Variants in ARHGEF10L observed in about 807,000 individuals in gnomAD.
ARHGEF10L encodes rho guanine nucleotide exchange factor 10-like protein.
A neutral mutation model predicts 141.2 loss-of-function variants in ARHGEF10L; 69 were observed. The observed-to-expected ratio is 0.49, with a 90% CI of 0.40 to 0.60. The LOEUF is 0.60. Ranked by LOEUF, ARHGEF10L falls within the 20% of genes least tolerant of loss-of-function variation. ARHGEF10L has a pLI of 0.00. For synonymous variants in ARHGEF10L, 711 were observed against 718.5 expected, an observed-to-expected ratio of 0.99 and a Z score of 0.17; for missense variants, 1,482 against 1,734.3, an observed-to-expected ratio of 0.85 and a Z score of 2.58.
At chr1:17,636,967 C>T (rs1435365638) in intron 18 of ARHGEF10L, among the ~76,000 whole-genome samples, 1 of 152,062 alleles carries the variant, frequency 6.6e-6, no homozygotes. Flanking sequence ...CACCCCCTAC[C>T]CCCATCTCAC....
chr1:17,695,389 T>C, intron 28 of ARHGEF10L, 109 bp downstream of exon 28: 1 of 1,408,566 alleles, frequency 7.1e-7, no homozygotes, highest in Non-Finnish European at 9.4e-7. Context: ...GGGATGGGGT[T>C]CCAGTCTCCA....
At chr1:17,686,058 T>TGTTTG (rs1361559287) in intron 26 of ARHGEF10L, among the ~76,000 whole-genome samples, 3 of 151,464 alleles carry the variant, frequency 2.0e-5, no homozygotes, top group Non-Finnish European at 4.4e-5. Context: ...GCTTTTGGTG[T>TGTTTG]GTTTGTTTTG....
chr1:17,660,988 C>T (rs2062587903), intron 25 of ARHGEF10L, among the ~76,000 whole-genome samples: 1 of 152,156 alleles, frequency 6.6e-6, no homozygotes, highest in African/African-American at 2.4e-5. Context: ...GAGTTTTGTC[C>T]TCATGGTGCA....
intron 9 of ARHGEF10L, among the ~76,000 whole-genome samples, chr1:17,618,014 G>A (rs1042843635): frequency 2.0e-5 from 3 of 152,216 alleles, no homozygotes; most frequent in Admixed American, 6.5e-5. Context: ...CGTGCACTTG[G>A]TGCGGTGCTC....
chr1:17,648,292 G>A (rs1571241055), intron 21 of ARHGEF10L, among the ~76,000 whole-genome samples: 1 of 152,206 alleles, frequency 6.6e-6, no homozygotes, highest in East Asian at 1.9e-4. Context: ...TCAGAGAGTT[G>A]GGGTGACTGG....
intron 26 of ARHGEF10L, among the ~76,000 whole-genome samples, chr1:17,678,454 T>C (rs1014536823): frequency 6.6e-5 from 10 of 151,232 alleles, no homozygotes; most frequent in Non-Finnish European, 1.2e-4. Flanking sequence ...AGTTTTGTTC[T>C]TGTTGAACAG....
intron 26 of ARHGEF10L, among the ~76,000 whole-genome samples, chr1:17,686,331 T>G (rs1464991503): frequency 2.6e-5 from 4 of 152,140 alleles, no homozygotes; most frequent in African/African-American, 9.7e-5. Context: ...TTCATTTTTT[T>G]GACCAAATTT....
intron 9 of ARHGEF10L, among the ~76,000 whole-genome samples, chr1:17,616,649 C>T (rs942711399): frequency 2.6e-5 from 4 of 152,244 alleles, no homozygotes; most frequent in African/African-American, 9.6e-5. Flanking sequence ...AGCAGTGCCT[C>T]TGGGGCCAGC....
At chr1:17,522,415 G>A in the ARHGEF10L span, among the ~76,000 whole-genome samples, 2 of 152,164 alleles carry the variant, frequency 1.3e-5, no homozygotes, top group African/African-American at 4.8e-5. Flanking sequence ...GAGGCTCAGA[G>A]ACGTCAGGTG....
chr1:17,665,925 C>T lies in ARHGEF10L; in HGVS notation c.3009+1330C>T, dbSNP rs12075000. Among the ~76,000 whole-genome samples, 431 of 152,214 alleles carry T rather than the reference C, an allele frequency of 2.8e-3. 1 individual carries two copies. Among genetic ancestry groups the T allele is most frequent in the African/African-American group, 5.1e-3 (213 of 41,528 alleles). On this transcript the variant is annotated intron_variant, in intron 26 of 28. Coordinates refer to ENST00000361221, the MANE Select transcript of ARHGEF10L (RefSeq NM_018125.4). ...TACGGAGGCCTGGGAACCTGTGAGC[C>T]GGTGGTGTGCCTTCCAGTTCAAAAG... is the stretch of plus-strand genomic sequence containing the variant.
intron 26 of ARHGEF10L, among the ~76,000 whole-genome samples, chr1:17,672,945 C>T (rs1435333259): frequency 6.6e-6 from 1 of 152,104 alleles, no homozygotes; most frequent in African/African-American, 2.4e-5. Flanking sequence ...GTCAGGCCTC[C>T]AGGCCCCTCT....
the ARHGEF10L span, among the ~76,000 whole-genome samples, chr1:17,531,630 C>A: frequency 6.6e-6 from 1 of 152,122 alleles, no homozygotes; most frequent in Non-Finnish European, 1.5e-5. Flanking sequence ...CCTCTGTAAA[C>A]GGGAGAGATG....
In ARHGEF10L at chr1:17,615,891, G is replaced by A; in HGVS notation, c.727-203G>A. The A allele has an allele frequency of 1.8e-6, 1 of 562,168 alleles. No individual in the cohort carries two copies. Among genetic ancestry groups the A allele is most frequent in the South Asian group, 2.3e-5 (1 of 43,578 alleles). The allele number at this position is 562,168 out of a possible 1,614,324, so 34.8% of individuals were successfully genotyped here. A position where few individuals can be genotyped will look rare whatever the true frequency, so the allele number is the denominator to read the frequency against. On this transcript the variant is annotated intron_variant, in intron 8 of 28. Transcript: ENST00000361221. The surrounding 1 kb of genome is among the most constrained non-coding windows in gnomAD (Gnocchi z 4.7). ...GGAAAAAAATCGGTTACAGCCTCCTGTTGCCCCTAAAGAGGGAGATCCCCG... is the reference window on the plus strand; with the variant it reads ...GGAAAAAAATCGGTTACAGCCTCCTATTGCCCCTAAAGAGGGAGATCCCCG...
At chr1:17,594,435 AT>A (rs1479380944) in intron 4 of ARHGEF10L, among the ~76,000 whole-genome samples, 3 of 152,178 alleles carry the variant, frequency 2.0e-5, no homozygotes, top group African/African-American at 7.2e-5. Flanking sequence ...TGTTAGCTGC[AT>A]GACCCAGGAC....
At chr1:17,677,951 CCT>C (rs1302436167) in intron 26 of ARHGEF10L, among the ~76,000 whole-genome samples, 6 of 152,326 alleles carry the variant, frequency 3.9e-5, no homozygotes, top group Non-Finnish European at 8.8e-5. Flanking sequence ...GCCTCCCTGT[CCT>C]CTCTGACTAG....
At chr1:17,686,078 T>C (rs35624169) in intron 26 of ARHGEF10L, among the ~76,000 whole-genome samples, 23,515 of 138,764 alleles carry the variant, frequency 0.17, 2,064 homozygotes, top group African/African-American at 0.24. Context: ...GTTTTGTTTT[T>C]TTTCTTTCTT....
rs750541113 is a variant in ARHGEF10L, at chr1:17,687,585, G to C, written c.3022G>C (p.Ala1008Pro). 6.2e-7 allele frequency: 1 copy of C among 1,612,984 alleles called. No individual in the cohort carries two copies. Among genetic ancestry groups the C allele is most frequent in the East Asian group, 2.2e-5 (1 of 44,864 alleles). The change falls in exon 27 of 29, where the codon GCG becomes CCG. Residue 1008 changes from alanine (A) to proline (P), a missense_variant. Ala to Pro is a conservative substitution (Grantham distance 27). This residue lies in a region of ARHGEF10L where 858 missense variants were observed against 966.3 expected (regional missense o/e 0.89). Coordinates refer to ENST00000361221, the MANE Select transcript of ARHGEF10L (RefSeq NM_018125.4). ...TTLQPQQSFE[A>P]HQDEAVSVTH... is the part of the protein sequence containing the mutation. ...CTTTGTGCCACAGCAAAGCTTCGAG[G>C]CGCACCAGGACGAGGCAGTGAGCGT... is the stretch of plus-strand genomic sequence containing the variant.
intron 1 of ARHGEF10L, among the ~76,000 whole-genome samples, chr1:17,578,027 T>TG (rs1312689965): frequency 8.5e-5 from 13 of 152,196 alleles, no homozygotes; most frequent in Admixed American, 6.5e-4. Flanking sequence ...TCCTGGGTTT[T>TG]GGCCCCAGGG....
At position 17,687,766 on chromosome 1, in the gene ARHGEF10L, C is replaced by CG. The variant is rs2064734435; in HGVS notation, c.3184+24dup. 6.4e-7 allele frequency: 1 copy of CG among 1,556,448 alleles called. No homozygotes were observed. Among genetic ancestry groups the CG allele is most frequent in the Non-Finnish European group, 8.7e-7 (1 of 1,149,600 alleles). On this transcript the variant is annotated intron_variant, in intron 27 of 28. Transcript: ENST00000361221. The stretch of plus-strand genomic sequence containing the variant: ...CTGCCAGGTGAGGCTGCCTCGGGCA[C>CG]GGGGGAGCGGACAGTCACAGAGCAC...
Sources: allele counts gnomAD v4.1 joint callset (sites outside exome capture counted in the v4.1 genomes callset), GRCh38; gene constraint gnomAD v4.1.1; regional missense constraint gnomAD v4.1.1; non-coding constraint Gnocchi (gnomAD v3.1); transcripts MANE v1.5; gene names NCBI Gene and HGNC (gene_info 2026-07-23, HGNC 2026-07-21).